Variants in HPSE2 observed in about 807,000 individuals in gnomAD.
HPSE2 encodes the protein inactive heparanase-2.
Under a neutral mutation model 60.5 loss-of-function variants are expected in HPSE2, and 38 were observed. That is an observed-to-expected ratio of 0.63 (90% CI 0.48 to 0.82). The LOEUF (loss-of-function observed/expected upper bound fraction) is 0.82. HPSE2 is among the 40% of genes least tolerant of loss of function. HPSE2 has a pLI of 0.00. For synonymous variants in HPSE2, 295 were observed against 293.2 expected (o/e 1.01, Z -0.06); for missense variants, 713 against 740.4 (o/e 0.96, Z 0.43).
At chr10:99,267,704 T>C in the HPSE2 span, among the ~76,000 whole-genome samples, 5 of 150,068 alleles carry the variant, frequency 3.3e-5, no homozygotes, top group Admixed American at 6.7e-5. Flanking sequence ...AGCTTGAACC[T>C]GGGAGGCGGA....
chr10:98,469,997 G>A (rs915906701), intron 11 of HPSE2, among the ~76,000 whole-genome samples: 1 of 152,226 alleles, frequency 6.6e-6, no homozygotes, highest in Non-Finnish European at 1.5e-5. Context: ...AGAGGGACCA[G>A]GTTTCCCCAG....
the HPSE2 span, among the ~76,000 whole-genome samples, chr10:99,294,910 G>A: frequency 1.3e-5 from 2 of 151,612 alleles, no homozygotes; most frequent in African/African-American, 4.8e-5. Context: ...GAGTCGAGAT[G>A]GCGCCACTGC....
intron 9 of HPSE2, among the ~76,000 whole-genome samples, chr10:98,567,371 G>A (rs1413292759): frequency 6.6e-6 from 1 of 152,164 alleles, no homozygotes; most frequent in Non-Finnish European, 1.5e-5. Flanking sequence ...GAGAATGCTT[G>A]AGTGACATAT....
At chr10:99,189,122 T>C (rs1264983088) in intron 2 of HPSE2, among the ~76,000 whole-genome samples, 1 of 152,214 alleles carries the variant, frequency 6.6e-6, no homozygotes, top group Non-Finnish European at 1.5e-5. Flanking sequence ...CAGAGAACTC[T>C]TAAAATTAAT....
chr10:98,963,218 CATATT>C (rs932845640), intron 3 of HPSE2, among the ~76,000 whole-genome samples: 4 of 152,224 alleles, frequency 2.6e-5, no homozygotes, highest in South Asian at 2.1e-4. Flanking sequence ...AAAAAAAAGA[CATATT>C]ATAACTCTTT....
At chr10:98,867,820 G>A (rs535146483) in intron 3 of HPSE2, among the ~76,000 whole-genome samples, 1 of 152,158 alleles carries the variant, frequency 6.6e-6, no homozygotes, top group Non-Finnish European at 1.5e-5. Context: ...AGCACTTTGG[G>A]AGGCCAAGGC....
At chr10:98,629,377 C>T (rs894296810) in intron 7 of HPSE2, among the ~76,000 whole-genome samples, 4 of 152,212 alleles carry the variant, frequency 2.6e-5, no homozygotes, top group Non-Finnish European at 4.4e-5. Context: ...GCTTCTTAAA[C>T]CTTACCTACA....
intron 3 of HPSE2, chr10:99,047,985 A>G: frequency 1.4e-6 from 1 of 709,698 alleles, no homozygotes; most frequent in Non-Finnish European, 2.6e-6. Flanking sequence ...TGCCTTCATC[A>G]AGTCTTCAAT....
chr10:98,619,154 T>C (rs688501), intron 8 of HPSE2, among the ~76,000 whole-genome samples: 45,776 of 151,922 alleles, frequency 0.3, 7,594 homozygotes, highest in African/African-American at 0.43. Flanking sequence ...TGCAGGGGAA[T>C]GGAAGCTGCA....
chr10:99,276,982 A>ATAT, the HPSE2 span, among the ~76,000 whole-genome samples: 1 of 152,246 alleles, frequency 6.6e-6, no homozygotes, highest in Non-Finnish European at 1.5e-5. Context: ...TTATGGTGCT[A>ATAT]TATTACCCAG....
intron 2 of HPSE2, among the ~76,000 whole-genome samples, chr10:99,171,865 G>A (rs1003161074): frequency 3.3e-5 from 5 of 151,916 alleles, no homozygotes; most frequent in African/African-American, 1.2e-4. Context: ...CCCCTAGAGT[G>A]TCTAGGATTG....
the HPSE2 span, among the ~76,000 whole-genome samples, chr10:99,306,954 C>G: frequency 1.3e-5 from 2 of 152,178 alleles, no homozygotes; most frequent in Non-Finnish European, 2.9e-5. Flanking sequence ...AGGTGATCCG[C>G]CCGCCTCAGC....
chr10:99,060,031 A>G (rs574000516), intron 3 of HPSE2, among the ~76,000 whole-genome samples: 1 of 152,056 alleles, frequency 6.6e-6, no homozygotes, highest in African/African-American at 2.4e-5. Context: ...CAATAATATA[A>G]TACAACATCT....
At chr10:99,048,470 T>C (rs1400007511) in intron 3 of HPSE2, among the ~76,000 whole-genome samples, 2 of 151,612 alleles carry the variant, frequency 1.3e-5, no homozygotes, top group Non-Finnish European at 1.5e-5. Flanking sequence ...AAGAAACATA[T>C]GAAAACATGC....
intron 3 of HPSE2, among the ~76,000 whole-genome samples, chr10:99,140,149 A>C (rs1255556500): frequency 6.6e-6 from 1 of 152,240 alleles, no homozygotes; most frequent in Non-Finnish European, 1.5e-5. Flanking sequence ...ACTGATTTGC[A>C]CACTGTTGCT....
intron 9 of HPSE2, among the ~76,000 whole-genome samples, chr10:98,527,396 T>C (rs762597162): frequency 2.0e-5 from 3 of 152,170 alleles, no homozygotes; most frequent in Non-Finnish European, 4.4e-5. Context: ...TCCAACCTCG[T>C]TTCCTACCAC....
intron 9 of HPSE2, among the ~76,000 whole-genome samples, chr10:98,576,130 T>G (rs750575119): frequency 6.6e-6 from 1 of 152,138 alleles, no homozygotes; most frequent in African/African-American, 2.4e-5. Flanking sequence ...AATAATAATA[T>G]ATTAAGCTAC....
At chr10:98,646,131 G>A (rs978664004) in intron 6 of HPSE2, among the ~76,000 whole-genome samples, 11 of 152,056 alleles carry the variant, frequency 7.2e-5, no homozygotes, top group African/African-American at 2.4e-4. Context: ...TCAACAATCC[G>A]TGGCTATTTG....
chr10:98,749,041 T>C (rs1202999645), intron 3 of HPSE2, among the ~76,000 whole-genome samples: 1 of 152,040 alleles, frequency 6.6e-6, no homozygotes, highest in Non-Finnish European at 1.5e-5. Flanking sequence ...AGAAACAAAA[T>C]AGTAATGAGA....
Sources: allele counts gnomAD v4.1 joint callset (sites outside exome capture counted in the v4.1 genomes callset), GRCh38; gene constraint gnomAD v4.1.1; transcripts MANE v1.5; gene names NCBI Gene and HGNC (gene_info 2026-07-23, HGNC 2026-07-21).